Variants in SLC44A5 observed in about 807,000 individuals in gnomAD.
SLC44A5 encodes choline transporter-like protein 5.
SLC44A5 carries 57 observed loss-of-function variants against 101.8 expected under a neutral mutation model. That is an observed-to-expected ratio of 0.56 (90% CI 0.45 to 0.70). The LOEUF (loss-of-function observed/expected upper bound fraction) is 0.70. SLC44A5 is among the 30% of genes least tolerant of loss of function. SLC44A5 has a pLI of 0.00. For missense variants in SLC44A5, 737 were observed against 853.1 expected (o/e 0.86, Z 1.70); for synonymous variants, 281 against 290.9 (o/e 0.97, Z 0.35).
intron 2 of SLC44A5, among the ~76,000 whole-genome samples, chr1:75,424,603 CTAA>C (rs1249241578): frequency 1.3e-5 from 2 of 152,150 alleles, no homozygotes; most frequent in Admixed American, 6.6e-5. Flanking sequence ...ATCATAACTT[CTAA>C]TAATAAAGTC....
At chr1:75,362,898 T>C (rs1008153238) in intron 3 of SLC44A5, among the ~76,000 whole-genome samples, 5 of 152,066 alleles carry the variant, frequency 3.3e-5, no homozygotes, top group African/African-American at 1.2e-4. Context: ...ATCTAGATGA[T>C]TTGTCCATTG....
chr1:75,299,519 C>G (rs1654249254), intron 5 of SLC44A5, among the ~76,000 whole-genome samples: 1 of 152,124 alleles, frequency 6.6e-6, no homozygotes, highest in South Asian at 2.1e-4. Flanking sequence ...TGACTCCATG[C>G]CATTAATTAT....
chr1:75,682,396 C>T, the SLC44A5 span, among the ~76,000 whole-genome samples: 17 of 150,136 alleles, frequency 1.1e-4, no homozygotes, highest in African/African-American at 2.2e-4. Flanking sequence ...GGTACTGGTA[C>T]CAAAACAGAG....
the SLC44A5 span, among the ~76,000 whole-genome samples, chr1:75,685,093 C>T: frequency 6.6e-6 from 1 of 152,186 alleles, no homozygotes; most frequent in Non-Finnish European, 1.5e-5. Context: ...AGGCTTGGGG[C>T]TTGTACTCTC....
intron 2 of SLC44A5, among the ~76,000 whole-genome samples, chr1:75,432,513 C>T (rs1363630721): frequency 1.3e-5 from 2 of 152,098 alleles, no homozygotes; most frequent in African/African-American, 4.8e-5. Flanking sequence ...CATTCAGAGG[C>T]TGACACTGCT....
At chr1:75,468,573 A>C (rs532563925) in intron 2 of SLC44A5, among the ~76,000 whole-genome samples, 45 of 152,340 alleles carry the variant, frequency 3.0e-4, no homozygotes, top group African/African-American at 1.1e-3. Context: ...AGGCACAGAA[A>C]GACAAACATT....
chr1:75,477,826 C>G (rs930874313), intron 2 of SLC44A5, among the ~76,000 whole-genome samples: 10 of 152,152 alleles, frequency 6.6e-5, no homozygotes, highest in African/African-American at 2.4e-4. Context: ...GGAAAACACT[C>G]TGCAGGATAT....
At chr1:75,577,538 A>T (rs1252532833) in intron 1 of SLC44A5, among the ~76,000 whole-genome samples, 1 of 152,130 alleles carries the variant, frequency 6.6e-6, no homozygotes, top group African/African-American at 2.4e-5. Context: ...CAAATGTCAC[A>T]GTCTCGGTGA....
At chr1:75,720,149 G>A in the SLC44A5 span, among the ~76,000 whole-genome samples, 1 of 152,130 alleles carries the variant, frequency 6.6e-6, no homozygotes, top group African/African-American at 2.4e-5. Flanking sequence ...TTTCCCTGTG[G>A]TATACAACCC....
the SLC44A5 span, among the ~76,000 whole-genome samples, chr1:75,643,411 TA>T: frequency 1.3e-5 from 2 of 152,186 alleles, no homozygotes; most frequent in Non-Finnish European, 2.9e-5. Context: ...ATATAGAATA[TA>T]AAAACAAGCA....
rs114525953 is a variant in SLC44A5, at chr1:75,328,212, T to C, written c.101+11370A>G. The stretch of plus-strand genomic sequence containing the variant: ...TTTTCCCACTCTCTTGCCAAAAGAA[T>C]GTACACTTAAATATATAGATTGATT... On this transcript the variant is annotated intron_variant, in intron 4 of 23. Coordinates refer to ENST00000370859, the MANE Select transcript of SLC44A5 (RefSeq NM_001130058.2). Among the ~76,000 whole-genome samples, 1,434 of 152,310 alleles carry C rather than the reference T, an allele frequency of 9.4e-3. 20 individuals carry two copies. Among genetic ancestry groups the C allele is most frequent in the Non-Finnish European group, 0.015 (1,010 of 68,024 alleles).
intron 3 of SLC44A5, among the ~76,000 whole-genome samples, chr1:75,389,151 C>T (rs1464259900): frequency 1.3e-5 from 2 of 152,152 alleles, no homozygotes; most frequent in African/African-American, 4.8e-5. Context: ...AATATATACG[C>T]ACTCAACACT....
At chr1:75,595,624 T>C (rs1440171737) in intron 1 of SLC44A5, among the ~76,000 whole-genome samples, 1 of 152,210 alleles carries the variant, frequency 6.6e-6, no homozygotes, top group African/African-American at 2.4e-5. Context: ...GAACTATGTC[T>C]GTAAATTTCA....
intron 1 of SLC44A5, among the ~76,000 whole-genome samples, chr1:75,566,256 C>T (rs1672780077): frequency 6.6e-6 from 1 of 152,080 alleles, no homozygotes; most frequent in Non-Finnish European, 1.5e-5. Flanking sequence ...TGTGGCACCA[C>T]CTCAAGCCAG....
intron 6 of SLC44A5, among the ~76,000 whole-genome samples, chr1:75,268,399 T>A (rs1018182429): frequency 6.6e-6 from 1 of 152,180 alleles, no homozygotes; most frequent in African/African-American, 2.4e-5. Flanking sequence ...GCTTTGTTTT[T>A]TTTCTTCATA....
chr1:75,719,858 A>G, the SLC44A5 span, among the ~76,000 whole-genome samples: 1 of 152,172 alleles, frequency 6.6e-6, no homozygotes, highest in Non-Finnish European at 1.5e-5. Context: ...AGAAACCAAT[A>G]TGGCCCAGTG....
At chr1:75,325,571 TGA>T (rs1186697957) in intron 4 of SLC44A5, among the ~76,000 whole-genome samples, 2 of 152,046 alleles carry the variant, frequency 1.3e-5, no homozygotes, top group Non-Finnish European at 2.9e-5. Flanking sequence ...TGAGAGACAA[TGA>T]GAGAGAGAGA....
intron 1 of SLC44A5, among the ~76,000 whole-genome samples, chr1:75,548,210 A>G (rs1557896262): frequency 6.6e-6 from 1 of 152,072 alleles, no homozygotes; most frequent in Non-Finnish European, 1.5e-5. Flanking sequence ...ATTAAGGAGG[A>G]CTTAGTCTAA....
intron 2 of SLC44A5, among the ~76,000 whole-genome samples, chr1:75,433,060 C>G (rs371176253): frequency 1.3e-4 from 20 of 152,050 alleles, no homozygotes; most frequent in African/African-American, 4.8e-4. Flanking sequence ...TGCACTGCCT[C>G]TTTTTCTTCT....
Sources: gnomAD v4.1 joint callset for allele counts (sites outside exome capture counted in the v4.1 genomes callset) on GRCh38, gnomAD v4.1.1 for gene constraint, MANE v1.5 for transcripts, NCBI Gene and HGNC (gene_info 2026-07-23, HGNC 2026-07-21) for gene names.